EXOSC10: variants seen among roughly 807,000 people sequenced by gnomAD.
EXOSC10 encodes exosome component 10, also known as exosome complex component 10.
EXOSC10 carries 94 observed loss-of-function variants against 126.6 expected under a neutral mutation model. The observed-to-expected ratio is 0.74, with a 90% CI of 0.63 to 0.88. EXOSC10 has a LOEUF of 0.88. Among genes scored for constraint, EXOSC10 ranks in the 40% least tolerant of loss-of-function variants. The pLI is 0.00. For missense variants in EXOSC10, 1,041 were observed against 1,100.5 expected, an observed-to-expected ratio of 0.95 and a Z score of 0.77; for synonymous variants, 395 against 400.8, an observed-to-expected ratio of 0.99 and a Z score of 0.17.
chr1:11,079,559 A>G (rs1640028102), intron 14 of EXOSC10, 152 bp downstream of exon 14: 2 of 567,252 alleles, frequency 3.5e-6, no homozygotes. Flanking sequence ...CGCCTGGCTA[A>G]TTTTTTGTAT....
chr1:11,084,961 G>A (rs1640409769), intron 9 of EXOSC10, among the ~76,000 whole-genome samples: 1 of 152,108 alleles, frequency 6.6e-6, no homozygotes, highest in African/African-American at 2.4e-5. Context: ...TATTTCTGAG[G>A]GCTCTGTTCT....
chr1:11,080,785 C>A lies in EXOSC10; in HGVS notation c.1565G>T (p.Arg522Leu). 6.2e-7 allele frequency: 1 copy of A among 1,614,124 alleles called. No homozygotes were observed. The highest frequency in any genetic ancestry group is 8.5e-7 in the Non-Finnish European group (1 of 1,180,016). ...LLFAWRDKTA[R>L]REDESYGYVL... is the part of the protein sequence containing the mutation. ...TTACCCGTAACTTTCATCTTCCCTGCGAGCTGTTTTATCCCTCCAGGCAAA... is the reference window on the plus strand; with the variant it reads ...TTACCCGTAACTTTCATCTTCCCTGAGAGCTGTTTTATCCCTCCAGGCAAA... The change falls in exon 12 of 25, where the codon CGC becomes CTC. Residue 522 changes from arginine to leucine, a missense_variant. Physicochemically the swap from Arg to Leu is moderately radical, Grantham distance 102. This residue lies in a region of EXOSC10 where 645 missense variants were observed against 656.3 expected (regional missense o/e 0.98). Coordinates refer to ENST00000376936, the MANE Select transcript of EXOSC10 (RefSeq NM_001001998.3).
In EXOSC10 at chr1:11,091,157, GCTT is replaced by G; in HGVS notation, c.497_499del (p.Lys166_Ala167delinsThr). ...AAGCAGCCGGAAAGTTTCAGATTTTGCTTTTTTGCCATATTCTGCTGCCTATGA... is the reference window on the plus strand; with the variant it reads ...AAGCAGCCGGAAAGTTTCAGATTTTGTTTTGCCATATTCTGCTGCCTATGA... On this transcript the variant is annotated inframe_deletion, in exon 5 of 25. Coordinates refer to ENST00000376936, the MANE Select transcript of EXOSC10 (RefSeq NM_001001998.3). 1 of 1,614,002 alleles carries G rather than the reference GCTT, an allele frequency of 6.2e-7. No individual in the cohort carries two copies. Among genetic ancestry groups the G allele is most frequent in the Non-Finnish European group, 8.5e-7 (1 of 1,179,998 alleles).
chr1:11,090,641 G>T lies in EXOSC10; in HGVS notation c.671C>A (p.Pro224Gln). ...QALSKERRER[P>Q]QDRPEDLDVP... is the part of the protein sequence containing the mutation. ...GTCCAAGTCCTCAGGACGATCCTGT[G>T]GGCGTTCCCGCCTTTCCTTAGAGAG... The change falls in exon 6 of 25, where the codon CCA becomes CAA. Residue 224 changes from proline to glutamine, a missense_variant. Pro to Gln is a moderately conservative substitution (Grantham distance 76). Coordinates refer to ENST00000376936, the MANE Select transcript of EXOSC10 (RefSeq NM_001001998.3). 1 of 1,612,728 alleles carries T rather than the reference G, an allele frequency of 6.2e-7. No homozygotes were observed. Among genetic ancestry groups the T allele is most frequent in the South Asian group, 1.1e-5 (1 of 90,896 alleles).
Position 11,066,784 on chromosome 1 carries a change from G to A in EXOSC10, c.2628-36C>T, listed in dbSNP as rs200192033. The A allele has an allele frequency of 4.3e-6, 7 of 1,612,076 alleles. 1 individual carries two copies. In the South Asian group the frequency reaches 5.5e-5, roughly 13 times the overall value. On this transcript the variant is annotated intron_variant, in intron 24 of 24. Coordinates refer to ENST00000376936, the MANE Select transcript of EXOSC10 (RefSeq NM_001001998.3). ...TACAAAAACAACAGTTATTTCTTCC[G>A]GGCTGGTTGGATGTTCTCAGATGGT... is the stretch of plus-strand genomic sequence containing the variant.
At chr1:11,073,384 G>A (rs895963949) in intron 19 of EXOSC10, among the ~76,000 whole-genome samples, 5 of 151,840 alleles carry the variant, frequency 3.3e-5, no homozygotes, top group African/African-American at 1.2e-4. Flanking sequence ...CGCCCGCCTC[G>A]GCCTCTCAAA....
chr1:11,068,614 C>T (rs187441898), intron 23 of EXOSC10, 31 bp downstream of exon 23: 8 of 1,582,554 alleles, frequency 5.1e-6, no homozygotes, highest in East Asian at 2.2e-5. Flanking sequence ...GCGCCACCAG[C>T]GTGCTAAAAT....
chr1:11,074,443 C>T (rs576027652), intron 17 of EXOSC10, 117 bp from the exon 18 acceptor site: 24 of 693,226 alleles, frequency 3.5e-5, no homozygotes, highest in South Asian at 2.7e-4. Context: ...GACAGAGTCT[C>T]GCTCTTTTGC....
At position 11,078,264 on chromosome 1, in the gene EXOSC10, C is replaced by CTTTTTTTTTTTTTTTTT. The variant is rs1220119181; in HGVS notation, c.1750-614_1750-613insAAAAAAAAAAAAAAAAA. On this transcript the variant is annotated intron_variant, in intron 14 of 24. Transcript: ENST00000376936. ...TGGGTGTCAGAGCAAGACCCTGTTT[C>CTTTTTTTTTTTTTTTTT]TTTTTTTTTTTGAGACGGAGTCTCG... is the stretch of plus-strand genomic sequence containing the variant. 1.3e-3 allele frequency among the ~76,000 whole-genome samples: 181 copies of CTTTTTTTTTTTTTTTTT among 143,634 alleles called. 3 individuals are homozygous for CTTTTTTTTTTTTTTTTT. The highest frequency in any genetic ancestry group is 4.3e-3 in the African/African-American group (166 of 38,316). 94.2% of individuals were successfully genotyped at this position (143,634 alleles called of 152,430 possible).
chr1:11,088,267 T>G, intron 6 of EXOSC10, 69 bp from the exon 7 acceptor site: 1 of 1,144,918 alleles, frequency 8.7e-7, no homozygotes, highest in Non-Finnish European at 1.3e-6. Context: ...AATAATGCCT[T>G]TTATCCAATC....
intron 20 of EXOSC10, 76 bp downstream of exon 20, chr1:11,072,010 TG>T: frequency 1.7e-6 from 2 of 1,201,492 alleles, no homozygotes; most frequent in Non-Finnish European, 2.4e-6. Context: ...TCGCCGTATC[TG>T]GCACTTGGCT....
chr1:11,099,653 C>T, intron 1 of EXOSC10, 68 bp downstream of exon 1: 2 of 1,453,354 alleles, frequency 1.4e-6, no homozygotes. Context: ...ATTGGCTGCC[C>T]AGAGGGCCCA....
intron 8 of EXOSC10, 53 bp downstream of exon 8, chr1:11,087,747 G>T: frequency 6.6e-7 from 1 of 1,506,174 alleles, no homozygotes; most frequent in East Asian, 2.3e-5. Flanking sequence ...TTCTCCAACA[G>T]GTGAACTCAC....
intron 1 of EXOSC10, among the ~76,000 whole-genome samples, chr1:11,098,426 T>C (rs1311953030): frequency 6.6e-6 from 1 of 152,212 alleles, no homozygotes; most frequent in Non-Finnish European, 1.5e-5. Context: ...GGGTTGAATC[T>C]TGACTCTGCT....
Position 11,091,067 on chromosome 1 carries a change from G to A in EXOSC10, c.590C>T (p.Pro197Leu). Residue 197 changes from proline (P) to leucine (L), a missense_variant, in exon 5 of 25, where the codon CCA becomes CTA. By Grantham distance (98) the Pro-to-Leu change is moderately conservative (BLOSUM62 -3). Around this residue, in one of 3 missense-constraint regions of EXOSC10, gnomAD observed 645 missense variants for 656.3 expected, o/e 0.98. Coordinates refer to ENST00000376936, the MANE Select transcript of EXOSC10 (RefSeq NM_001001998.3). The stretch of plus-strand genomic sequence containing the variant: ...TTTGATGAAGATTTTAGGAAGAAAT[G>A]GTGTGTTGGAATTGTCAATCTTCTC... ...FREKIDNSNTPFLPKIFIKPN... is the reference protein window; with the variant it reads ...FREKIDNSNTLFLPKIFIKPN... 1 of 1,614,146 alleles carries A rather than the reference G, an allele frequency of 6.2e-7. No homozygotes were observed. Among genetic ancestry groups the A allele is most frequent in the Non-Finnish European group, 8.5e-7 (1 of 1,180,018 alleles).
intron 10 of EXOSC10, 120 bp from the exon 11 acceptor site, chr1:11,081,358 C>A: frequency 9.5e-7 from 1 of 1,056,512 alleles, no homozygotes. Flanking sequence ...CTTTCATAGT[C>A]AATACTGCAG....
intron 2 of EXOSC10, among the ~76,000 whole-genome samples, 171 bp from the exon 3 acceptor site, chr1:11,096,052 T>C (rs1192066552): frequency 6.6e-6 from 1 of 151,976 alleles, no homozygotes; most frequent in Non-Finnish European, 1.5e-5. Flanking sequence ...GGCATGATCT[T>C]GGCTCTCTGC....
chr1:11,093,485 A>G (rs556113950), intron 3 of EXOSC10, among the ~76,000 whole-genome samples: 17 of 152,338 alleles, frequency 1.1e-4, no homozygotes, highest in African/African-American at 4.1e-4. Flanking sequence ...AGGCATTTAG[A>G]CTAGGGAAGA....
At chr1:11,090,774 C>T in intron 5 of EXOSC10, 106 bp from the exon 6 acceptor site, 1 of 891,838 alleles carries the variant, frequency 1.1e-6, no homozygotes, top group Non-Finnish European at 1.7e-6. Context: ...TTTTTTGAGA[C>T]AGGGTCATGT....
Sources: gnomAD v4.1 joint callset for allele counts (sites outside exome capture counted in the v4.1 genomes callset) on GRCh38, gnomAD v4.1.1 for gene constraint, gnomAD v4.1.1 regional missense constraint, MANE v1.5 for transcripts, NCBI Gene and HGNC (gene_info 2026-07-23, HGNC 2026-07-21) for gene names.